The following CFAP74 variants were observed in gnomAD, a reference collection of about 807,000 sequenced individuals.
CFAP74 encodes the protein cilia- and flagella-associated protein 74.
CFAP74 carries 124 observed loss-of-function variants against 188.9 expected under a neutral mutation model. That is an observed-to-expected ratio of 0.66 (90% CI 0.57 to 0.76). The LOEUF is 0.76. CFAP74 is among the 30% of genes least tolerant of loss of function. The probability of loss-of-function intolerance (pLI) is 0.00; values close to 1 mark genes in which losing one functional copy is unlikely to be tolerated. For missense variants in CFAP74, 2,198 were observed against 2,165.2 expected, an observed-to-expected ratio of 1.02 and a Z score of -0.30; for synonymous variants, 956 against 916.7, an observed-to-expected ratio of 1.04 and a Z score of -0.77.
At chr1:1,924,688 A>T (rs768204637) in intron 33 of CFAP74, among the ~76,000 whole-genome samples, 168 bp from the exon 34 acceptor site, 3 of 152,080 alleles carry the variant, frequency 2.0e-5, no homozygotes, top group Non-Finnish European at 4.4e-5. Flanking sequence ...GTGTGCCAAC[A>T]TCCCTTCTTC....
Position 1,974,081 on chromosome 1 carries a change from G to A in CFAP74, c.618C>T (p.Leu206=), listed in dbSNP as rs1221460067. 6.2e-7 allele frequency: 1 copy of A among 1,611,634 alleles called. No homozygotes were observed. Among genetic ancestry groups the A allele is most frequent in the African/African-American group, 1.3e-5 (1 of 74,838 alleles). Residue 206 remains leucine (L), a synonymous_variant, in exon 7 of 39, where the codon CTC becomes CTT. Transcript: ENST00000682832. The part of the protein sequence containing the change: ...RRLQVRAAEQ[L]CREQEALGKV... ...TCCCCAGGGCCTCCTGCTCTCTGCAGAGCTGCTCGGCTGCGCGCACCTGGA... is the reference window on the plus strand; with the variant it reads ...TCCCCAGGGCCTCCTGCTCTCTGCAAAGCTGCTCGGCTGCGCGCACCTGGA...
rs747829886 is a variant in CFAP74, at chr1:1,955,129, G to C, written c.2176+562C>G. 18 of 1,202,894 alleles carry C rather than the reference G, an allele frequency of 1.5e-5. No homozygotes were observed. In the South Asian group the frequency reaches 2.1e-4, roughly 14 times the overall value. The allele number at this position is 1,202,894 out of a possible 1,614,324, so 74.5% of individuals were successfully genotyped here. A position where few individuals can be genotyped will look rare whatever the true frequency, so the allele number is the denominator to read the frequency against. On this transcript the variant is annotated intron_variant, in intron 18 of 38. Coordinates refer to ENST00000682832, the MANE Select transcript of CFAP74 (RefSeq NM_001304360.2). ...CGGCCCAGCTCCGCGCTGAGCTGCA[G>C]GGCGTGCGGAACGCGCACCACGCGA...
rs376187677 is a variant in CFAP74 at position 1,948,942 on chromosome 1, TC to T, written c.2177-1889del. Among the ~76,000 whole-genome samples, 63 of 34,472 alleles carry T rather than the reference TC, an allele frequency of 1.8e-3. 13 individuals carry two copies. The highest frequency in any genetic ancestry group is 2.4e-3 in the South Asian group (2 of 830). 22.6% of individuals were successfully genotyped at this position (34,472 alleles called of 152,430 possible). A position where few individuals can be genotyped will look rare whatever the true frequency, so the allele number is the denominator to read the frequency against. On this transcript the variant is annotated intron_variant, in intron 18 of 38. Coordinates refer to ENST00000682832, the MANE Select transcript of CFAP74 (RefSeq NM_001304360.2). The stretch of plus-strand genomic sequence containing the variant: ...TTTCCTTCCTTCCTCTTTCCTCCCT[TC>T]CTTTCCCTCCCTTACTCCCTTCCTT...
intron 10 of CFAP74, among the ~76,000 whole-genome samples, chr1:1,969,388 C>T (rs1655755178): frequency 6.8e-6 from 1 of 147,534 alleles, no homozygotes; most frequent in Non-Finnish European, 1.5e-5. Context: ...CTGCCAAGCC[C>T]AGCCTTGCCC....
intron 14 of CFAP74, among the ~76,000 whole-genome samples, chr1:1,962,199 G>T (rs1655133658): frequency 6.6e-6 from 1 of 152,218 alleles, no homozygotes; most frequent in African/African-American, 2.4e-5. Flanking sequence ...TAGGCTGGGT[G>T]CTGTGGCTCA....
intron 25 of CFAP74, among the ~76,000 whole-genome samples, chr1:1,936,434 C>T (rs1377769903): frequency 6.6e-6 from 1 of 151,796 alleles, no homozygotes; most frequent in Non-Finnish European, 1.5e-5. Flanking sequence ...GTCCCAGCTA[C>T]TCGGGAGGCT....
intron 18 of CFAP74, among the ~76,000 whole-genome samples, chr1:1,950,923 G>C (rs1312657916): frequency 5.3e-5 from 8 of 151,950 alleles, no homozygotes; most frequent in Non-Finnish European, 1.2e-4. Flanking sequence ...TTTTCGGGGG[G>C]GAATTTTATA....
rs369443227 is a variant in CFAP74, at chr1:1,988,697, A to G, written c.153-42T>C. 34 of 1,599,254 alleles carry G rather than the reference A, an allele frequency of 2.1e-5. No homozygotes were observed. The African/African-American group carries it at 3.2e-4, about 15-fold the overall frequency. ...CGTCAGCTGCCACCACCCCAGCTGC[A>G]GGCTCAGAACTCATTCCTCGGTGTG... On this transcript the variant is annotated intron_variant, in intron 3 of 38. Coordinates refer to ENST00000682832, the MANE Select transcript of CFAP74 (RefSeq NM_001304360.2).
chr1:1,933,601 G>T (rs901644802), intron 25 of CFAP74, among the ~76,000 whole-genome samples: 1 of 152,108 alleles, frequency 6.6e-6, no homozygotes, highest in South Asian at 2.1e-4. Context: ...TCTTCTTATC[G>T]CTTTGATATT....
chr1:1,992,551 G>A (rs1570992255), intron 1 of CFAP74, among the ~76,000 whole-genome samples: 1 of 151,502 alleles, frequency 6.6e-6, no homozygotes, highest in East Asian at 2.0e-4. Flanking sequence ...TTGGCTCACT[G>A]CAAGCTCTGC....
rs775236186 is a variant in CFAP74 at position 1,970,770 on chromosome 1, A to G, written c.935T>C (p.Leu312Pro). The change falls in exon 10 of 39, where the codon CTG becomes CCG. Residue 312 changes from leucine (L) to proline (P), a missense_variant. By Grantham distance (98) the Leu-to-Pro change is moderately conservative. Transcript: ENST00000682832. The stretch of plus-strand genomic sequence containing the variant: ...CTCAGCCTGGACCCTCTGCTCCGCC[A>G]GCTCTGCCTTGGCACGGTCCCATGC... The part of the protein sequence containing the change: ...FQAWDRAKAE[L>P]AEQRVQAEKK... The G allele has an allele frequency of 1.2e-6, 2 of 1,614,138 alleles. No individual in the cohort carries two copies. The highest frequency in any genetic ancestry group is 1.7e-6 in the Non-Finnish European group (2 of 1,179,996).
chr1:1,970,649 C>G lies in CFAP74; in HGVS notation c.1046+10G>C. 6.3e-7 allele frequency: 1 copy of G among 1,599,606 alleles called. No individual in the cohort carries two copies. Among genetic ancestry groups the G allele is most frequent in the South Asian group, 1.1e-5 (1 of 89,240 alleles). On this transcript the variant is annotated intron_variant, in intron 10 of 38. Coordinates refer to ENST00000682832, the MANE Select transcript of CFAP74 (RefSeq NM_001304360.2). The stretch of plus-strand genomic sequence containing the variant: ...GTGCCTCCCGGTGGCACCTCTGCCA[C>G]CACCCTCACCTCTTCTGGGCCTCCA...
At chr1:1,956,458 C>T (rs1654635047) in intron 17 of CFAP74, among the ~76,000 whole-genome samples, 162 bp downstream of exon 17, 1 of 152,198 alleles carries the variant, frequency 6.6e-6, no homozygotes, top group Non-Finnish European at 1.5e-5. Context: ...ACAGAAGAAG[C>T]TGGTCTCTTC....
In CFAP74 at chr1:1,923,992, C is replaced by T; in HGVS notation, c.4235-63G>A. ...CTGCAATCACTGTCTGCCCTCCAAG[C>T]CTTGCTGCATAGAGCTCTACACCCT... is the stretch of plus-strand genomic sequence containing the variant. On this transcript the variant is annotated intron_variant, in intron 34 of 38. Transcript: ENST00000682832. The surrounding 1 kb of genome is among the most constrained non-coding windows in gnomAD (Gnocchi z 6.3). 6.5e-7 allele frequency: 1 copy of T among 1,546,614 alleles called. No homozygotes were observed. Among genetic ancestry groups the T allele is most frequent in the Non-Finnish European group, 8.8e-7 (1 of 1,140,558 alleles).
chr1:1,970,599 C>T (rs1655881552), intron 10 of CFAP74, 60 bp downstream of exon 10: 3 of 1,540,252 alleles, frequency 1.9e-6, no homozygotes, highest in East Asian at 2.4e-5. Context: ...CCCCTTGGCT[C>T]TCCCTGCACC....
chr1:1,938,973 G>A lies in CFAP74; in HGVS notation c.2893C>T (p.Pro965Ser). ...AGGATCGTCCCAAACCCATCGTTGG[G>A]TTGGACGTCCACAAACTGGAAATAG... Reference protein sequence around the residue: ...VRLPKFVDVQPNDGFGTILPL... With the variant: ...VRLPKFVDVQSNDGFGTILPL... The change falls in exon 25 of 39, where the codon CCC (proline) becomes TCC (serine). Residue 965 changes from proline to serine, a missense_variant. Transcript: ENST00000682832. 2 of 1,536,076 alleles carry A rather than the reference G, an allele frequency of 1.3e-6. No individual in the cohort carries two copies. The highest frequency in any genetic ancestry group is 2.4e-5 in the South Asian group (2 of 84,062).
At chr1:1,948,224 C>T (rs955458838) in intron 18 of CFAP74, among the ~76,000 whole-genome samples, 1 of 152,016 alleles carries the variant, frequency 6.6e-6, no homozygotes, top group Non-Finnish European at 1.5e-5. Context: ...GGAGTCACCA[C>T]GGCAACAAGA....
At chr1:1,930,678 C>T (rs1002120136) in intron 25 of CFAP74, among the ~76,000 whole-genome samples, 2 of 152,294 alleles carry the variant, frequency 1.3e-5, no homozygotes, top group East Asian at 3.9e-4. Context: ...GCCTCAGCCT[C>T]CCGAGTAGCT....
chr1:1,934,383 C>CACGTGG (rs1652665408), intron 25 of CFAP74, among the ~76,000 whole-genome samples: 2 of 34,950 alleles, frequency 5.7e-5, no homozygotes, highest in South Asian at 1.0e-3. Context: ...CACATGTGTA[C>CACGTGG]GTGTGTGTTA....
Sources: gnomAD v4.1 joint callset for allele counts (sites outside exome capture counted in the v4.1 genomes callset) on GRCh38, gnomAD v4.1.1 for gene constraint, Gnocchi (gnomAD v3.1) non-coding constraint, MANE v1.5 for transcripts, NCBI Gene and HGNC (gene_info 2026-07-23, HGNC 2026-07-21) for gene names.